DCTN5: variants seen among roughly 807,000 people sequenced by gnomAD.
DCTN5 encodes dynactin 4.
A neutral mutation model predicts 23.5 loss-of-function variants in DCTN5; 14 were observed. The ratio of observed to expected loss-of-function variants is 0.60; its 90% confidence interval spans 0.39 to 0.93. The LOEUF (loss-of-function observed/expected upper bound fraction) is 0.93. Among genes scored for constraint, DCTN5 ranks in the 40% least tolerant of loss-of-function variants. The pLI is 0.00. For missense variants in DCTN5, 156 were observed against 225.9 expected, an observed-to-expected ratio of 0.69 and a Z score of 1.98; for synonymous variants, 67 against 79.6, an observed-to-expected ratio of 0.84 and a Z score of 0.84.
At chr16:23,655,455 C>T (rs774695953) in intron 2 of DCTN5, among the ~76,000 whole-genome samples, 6 of 152,100 alleles carry the variant, frequency 3.9e-5, no homozygotes, top group African/African-American at 1.2e-4. Flanking sequence ...ACTATCATAG[C>T]TCACTGTAGC....
chr16:23,667,327 C>A lies in DCTN5; in HGVS notation c.*183C>A. ...AAGTGCTTAAGAATTCACTAACAGA[C>A]AGACCATCTGGAGGAGCTGTCTTCA... On this transcript the variant is annotated 3_prime_UTR_variant, in exon 6 of 6. Coordinates refer to ENST00000300087, the MANE Select transcript of DCTN5 (RefSeq NM_032486.4). 1.5e-6 allele frequency: 1 copy of A among 678,696 alleles called. No individual in the cohort carries two copies. Among genetic ancestry groups the A allele is most frequent in the Non-Finnish European group, 2.4e-6 (1 of 409,630 alleles). The allele number at this position is 678,696 out of a possible 1,614,324, so 42.0% of individuals were successfully genotyped here. A position where few individuals can be genotyped will look rare whatever the true frequency, so the allele number is the denominator to read the frequency against.
At position 23,676,236 on chromosome 16, in the gene DCTN5, CG is replaced by C. The variant is rs1959224229; in HGVS notation, c.*9094del. ...TCAGACAGCAATTAAGGGCTGGGCA[CG>C]GTGGCTCATGCCTGTAATCCCGGCA... On this transcript the variant is annotated 3_prime_UTR_variant, in exon 6 of 6. Coordinates refer to ENST00000300087, the MANE Select transcript of DCTN5 (RefSeq NM_032486.4). The C allele has an allele frequency of 6.6e-6, 1 of 151,008 alleles. No individual in the cohort carries two copies. Among genetic ancestry groups the C allele is most frequent in the African/African-American group, 2.4e-5 (1 of 40,996 alleles). The allele number at this position is 151,008 out of a possible 1,614,324, so 9.4% of individuals were successfully genotyped here. A position where few individuals can be genotyped will look rare whatever the true frequency, so the allele number is the denominator to read the frequency against.
In DCTN5 at chr16:23,672,407, G is replaced by A. The variant is rs1029593506; in HGVS notation, c.*5263G>A. 6.6e-6 allele frequency: 1 copy of A among 152,176 alleles called. No individual in the cohort carries two copies. The highest frequency in any genetic ancestry group is 1.5e-5 in the Non-Finnish European group (1 of 68,044). 9.4% of individuals were successfully genotyped at this position (152,176 alleles called of 1,614,324 possible). On this transcript the variant is annotated 3_prime_UTR_variant, in exon 6 of 6. Coordinates refer to ENST00000300087, the MANE Select transcript of DCTN5 (RefSeq NM_032486.4). ...GGAAATTGAGGCACAGAGAGATTAA[G>A]TACTTTCCCAAGGTCATACAGCTAG...
At chr16:23,648,264 G>A (rs764914340) in intron 2 of DCTN5, among the ~76,000 whole-genome samples, 12 of 151,058 alleles carry the variant, frequency 7.9e-5, no homozygotes, top group South Asian at 2.1e-4. Flanking sequence ...AGGCTCAGGC[G>A]AACCTCCCAC....
Position 23,641,469 on chromosome 16 carries a change from A to G in DCTN5, c.-74A>G. 6.3e-7 allele frequency: 1 copy of G among 1,578,684 alleles called. No individual in the cohort carries two copies. The highest frequency in any genetic ancestry group is 8.7e-7 in the Non-Finnish European group (1 of 1,151,540). ...GAGCGGAAGTGGAGGAGCGGCCGGA[A>G]GTAGCCGGAATCTCTGAAAGACTGA... On this transcript the variant is annotated 5_prime_UTR_variant, in exon 1 of 6. Coordinates refer to ENST00000300087, the MANE Select transcript of DCTN5 (RefSeq NM_032486.4).
At chr16:23,643,823 A>G (rs1051687865) in intron 2 of DCTN5, among the ~76,000 whole-genome samples, 1 of 152,146 alleles carries the variant, frequency 6.6e-6, no homozygotes, top group Non-Finnish European at 1.5e-5. Context: ...TTGTAATCCA[A>G]ATAAATTACA....
intron 2 of DCTN5, 59 bp from the exon 3 acceptor site, chr16:23,658,447 CT>C (rs918882911): frequency 3.0e-4 from 333 of 1,108,538 alleles, no homozygotes; most frequent in South Asian, 8.5e-4. Context: ...GTTATCTACT[CT>C]TTTTTTGTTA....
chr16:23,647,663 A>G lies in DCTN5; in HGVS notation c.117+4640A>G, dbSNP rs186616605. Among the ~76,000 whole-genome samples, 7 of 151,296 alleles carry G rather than the reference A, an allele frequency of 4.6e-5. No individual in the cohort carries two copies. The East Asian group carries it at 1.2e-3, about 26-fold the overall frequency. On this transcript the variant is annotated intron_variant, in intron 2 of 5. Transcript: ENST00000300087. The stretch of plus-strand genomic sequence containing the variant: ...CCTGGTATTACAGTTGCGTGCCTCC[A>G]TGCCTGGCTAATTTTTGTATTTTTA...
In DCTN5 at chr16:23,671,952, C is replaced by G. The variant is rs1248035819; in HGVS notation, c.*4808C>G. 6.6e-6 allele frequency: 1 copy of G among 152,144 alleles called. No homozygotes were observed. The highest frequency in any genetic ancestry group is 1.5e-5 in the Non-Finnish European group (1 of 68,038). The allele number at this position is 152,144 out of a possible 1,614,324, so 9.4% of individuals were successfully genotyped here. ...AGAGACATGGGAGTGAAATTCACAC[C>G]CACTCTGGCTTTCATACCATGGGTC... On this transcript the variant is annotated 3_prime_UTR_variant, in exon 6 of 6. Coordinates refer to ENST00000300087, the MANE Select transcript of DCTN5 (RefSeq NM_032486.4).
rs1967964810 is a variant in DCTN5 at position 23,669,390 on chromosome 16, G to A, written c.*2246G>A. 6.6e-6 allele frequency: 1 copy of A among 152,296 alleles called. No homozygotes were observed. Among genetic ancestry groups the A allele is most frequent in the Non-Finnish European group, 1.5e-5 (1 of 68,114 alleles). 9.4% of individuals were successfully genotyped at this position (152,296 alleles called of 1,614,324 possible). On this transcript the variant is annotated 3_prime_UTR_variant, in exon 6 of 6. Transcript: ENST00000300087. Reference sequence around the variant, plus strand: ...GTTGGCTTTATTCTTGGGCTTCACAGTGTGGCCCCACAGCACCAGTTATTG... The same window carrying A: ...GTTGGCTTTATTCTTGGGCTTCACAATGTGGCCCCACAGCACCAGTTATTG...
At chr16:23,643,197 G>T (rs550728629) in intron 2 of DCTN5, among the ~76,000 whole-genome samples, 174 bp downstream of exon 2, 5,219 of 140,870 alleles carry the variant, frequency 0.037, 111 homozygotes, top group Middle Eastern at 0.098. Flanking sequence ...TTTTTTTTTT[G>T]TTTCGGTTTT....
At chr16:23,641,684 C>T in intron 1 of DCTN5, 94 bp downstream of exon 1, 1 of 1,339,574 alleles carries the variant, frequency 7.5e-7, no homozygotes, top group Non-Finnish European at 1.1e-6. Context: ...CCCACCAACC[C>T]CTGTCCCTTT....
At chr16:23,661,660 A>G (rs1363578117) in intron 4 of DCTN5, among the ~76,000 whole-genome samples, 2 of 152,038 alleles carry the variant, frequency 1.3e-5, no homozygotes, top group African/African-American at 2.4e-5. Flanking sequence ...GGAGGTTGCA[A>G]TGAGCCAAGA....
At chr16:23,648,089 A>G (rs771023405) in intron 2 of DCTN5, among the ~76,000 whole-genome samples, 1 of 152,084 alleles carries the variant, frequency 6.6e-6, no homozygotes, top group Non-Finnish European at 1.5e-5. Flanking sequence ...AATAATATAT[A>G]TTGTTTAACT....
chr16:23,647,419 A>G (rs1417853070), intron 2 of DCTN5, among the ~76,000 whole-genome samples: 1 of 151,596 alleles, frequency 6.6e-6, no homozygotes. Flanking sequence ...CTACTATAAT[A>G]AGTTTTTAAT....
chr16:23,651,918 C>T (rs960972533), intron 2 of DCTN5, among the ~76,000 whole-genome samples: 1 of 152,020 alleles, frequency 6.6e-6, no homozygotes, highest in Non-Finnish European at 1.5e-5. Flanking sequence ...GCCTGTAATC[C>T]CAGCTACTCA....
intron 2 of DCTN5, among the ~76,000 whole-genome samples, chr16:23,658,161 G>A (rs559549804): frequency 2.0e-5 from 3 of 152,148 alleles, no homozygotes; most frequent in Non-Finnish European, 2.9e-5. Flanking sequence ...CTTGGTAAGC[G>A]AGCAGCCAAG....
chr16:23,650,734 A>G, intron 2 of DCTN5: 1 of 1,532,580 alleles, frequency 6.5e-7, no homozygotes, highest in Middle Eastern at 1.7e-4. Flanking sequence ...ATCCATTTAT[A>G]TTTCTATCCC....
intron 2 of DCTN5, among the ~76,000 whole-genome samples, chr16:23,652,138 G>A (rs956094413): frequency 6.6e-6 from 1 of 150,478 alleles, no homozygotes; most frequent in Non-Finnish European, 1.5e-5. Context: ...TAGACTATAC[G>A]TATGCAGTTG....
Sources: allele counts gnomAD v4.1 joint callset (sites outside exome capture counted in the v4.1 genomes callset), GRCh38; gene constraint gnomAD v4.1.1; transcripts MANE v1.5; gene names NCBI Gene and HGNC (gene_info 2026-07-23, HGNC 2026-07-21).